The following BANP variants were observed in gnomAD, a reference collection of about 807,000 sequenced individuals.
BANP encodes the protein BTG3 associated nuclear protein.
A neutral mutation model predicts 68.1 loss-of-function variants in BANP; 11 were observed. The observed-to-expected ratio is 0.16, with a 90% CI of 0.10 to 0.27. The LOEUF (loss-of-function observed/expected upper bound fraction) is 0.27, where lower values mean the gene tolerates loss of function less well. Ranked by LOEUF, BANP falls within the 10% of genes least tolerant of loss-of-function variation. The pLI is 1.00. For missense variants in BANP, 504 were observed against 722.7 expected (o/e 0.70, Z 3.47); for synonymous variants, 329 against 303.2 (o/e 1.09, Z -0.88).
At chr16:87,973,335 T>C (rs1314185464) in intron 1 of BANP, among the ~76,000 whole-genome samples, 1 of 152,106 alleles carries the variant, frequency 6.6e-6, no homozygotes, top group Non-Finnish European at 1.5e-5. Flanking sequence ...AATGTGGGAA[T>C]AAAAACACCT....
chr16:88,037,851 C>G, intron 10 of BANP, 122 bp from the exon 11 acceptor site: 1 of 932,860 alleles, frequency 1.1e-6, no homozygotes. Context: ...TGAATTTTTG[C>G]AGAACTGGGG....
chr16:87,978,055 C>G (rs1211685722), intron 2 of BANP, among the ~76,000 whole-genome samples: 1 of 152,158 alleles, frequency 6.6e-6, no homozygotes, highest in African/African-American at 2.4e-5. Flanking sequence ...AGGCTGGTCT[C>G]GAACTCCTGA....
At chr16:88,035,253 G>A (rs1254632938) in intron 9 of BANP, 70 bp from the exon 10 acceptor site, 26 of 1,325,494 alleles carry the variant, frequency 2.0e-5, no homozygotes, top group South Asian at 2.5e-5. Context: ...CAAACATTCC[G>A]GAAGATGTTT....
intron 9 of BANP, chr16:88,035,110 G>A (rs905320491): frequency 1.9e-5 from 11 of 565,092 alleles, no homozygotes; most frequent in Non-Finnish European, 3.5e-5. Flanking sequence ...GGGGTAGGGG[G>A]TGCTTCTTGA....
intron 6 of BANP, among the ~76,000 whole-genome samples, chr16:88,007,354 G>A (rs546435374): frequency 1.3e-5 from 2 of 152,226 alleles, no homozygotes; most frequent in African/African-American, 4.8e-5. Context: ...CATTTCCCCC[G>A]AGATCTGGAA....
chr16:87,984,055 TC>T lies in BANP; in HGVS notation c.163-3del, dbSNP rs1271395090. 9 of 1,613,892 alleles carry T rather than the reference TC, an allele frequency of 5.6e-6. No homozygotes were observed. In the South Asian group the frequency reaches 9.9e-5, roughly 18 times the overall value. The stretch of plus-strand genomic sequence containing the variant: ...TTCCTAAAGCCGGTCTTTTTTCACT[TC>T]CAGTCATTCCTGTATTCCATCAACC... On this transcript the variant is annotated splice_polypyrimidine_tract_variant and splice_region_variant and intron_variant, in intron 3 of 13. Coordinates refer to ENST00000682872, the MANE Select transcript of BANP (RefSeq NM_001386991.1).
At chr16:88,026,185 C>T (rs60708203) in intron 7 of BANP, among the ~76,000 whole-genome samples, 1 of 152,208 alleles carries the variant, frequency 6.6e-6, no homozygotes, top group Non-Finnish European at 1.5e-5. Context: ...CAGTTCTCTG[C>T]GTGTGCACGG....
rs563180672 is a variant in BANP at position 88,057,049 on chromosome 16, T to C, written c.1312-8218T>C. Among the ~76,000 whole-genome samples the C allele has an allele frequency of 1.3e-5, 2 of 152,352 alleles. No homozygotes were observed. Among genetic ancestry groups the C allele is most frequent in the South Asian group, 4.1e-4 (2 of 4,832 alleles). ...TTTCTGAATAACTTTACAAATCCTT[T>C]TGGTGGGATCCAAATGTGAGAACTT... On this transcript the variant is annotated intron_variant, in intron 11 of 13. Coordinates refer to ENST00000682872, the MANE Select transcript of BANP (RefSeq NM_001386991.1). The surrounding 1 kb of genome is among the most constrained non-coding windows in gnomAD (Gnocchi z 4.6).
intron 11 of BANP, among the ~76,000 whole-genome samples, chr16:88,041,942 G>T (rs1024399004): frequency 6.6e-6 from 1 of 152,158 alleles, no homozygotes. Flanking sequence ...GGTGGGAGAC[G>T]CAGTAGGAGG....
At chr16:88,072,478 A>C (rs1398459072) in intron 13 of BANP, among the ~76,000 whole-genome samples, 1 of 152,190 alleles carries the variant, frequency 6.6e-6, no homozygotes, top group Non-Finnish European at 1.5e-5. Flanking sequence ...GGCAGAAGTG[A>C]AGCTCTGCCC....
intron 7 of BANP, among the ~76,000 whole-genome samples, chr16:88,025,683 G>A (rs1437536419): frequency 6.6e-6 from 1 of 152,012 alleles, no homozygotes; most frequent in Non-Finnish European, 1.5e-5. Flanking sequence ...AAAACCCGAG[G>A]GACTTTTGAT....
At chr16:88,050,844 C>T (rs964493299) in intron 11 of BANP, among the ~76,000 whole-genome samples, 6 of 150,372 alleles carry the variant, frequency 4.0e-5, no homozygotes, top group African/African-American at 1.5e-4. Flanking sequence ...CGCACCACCA[C>T]GACCTGCTAA....
At position 88,064,133 on chromosome 16, in the gene BANP, G is replaced by C. The variant is rs1252174671; in HGVS notation, c.1312-1134G>C. 2.0e-5 allele frequency among the ~76,000 whole-genome samples: 3 copies of C among 150,176 alleles called. No individual in the cohort carries two copies. Among genetic ancestry groups the C allele is most frequent in the East Asian group, 1.9e-4 (1 of 5,182 alleles). On this transcript the variant is annotated intron_variant, in intron 11 of 13. Coordinates refer to ENST00000682872, the MANE Select transcript of BANP (RefSeq NM_001386991.1). The surrounding 1 kb of genome is among the most constrained non-coding windows in gnomAD (Gnocchi z 4.5). ...ACCGGCGCTGGGGGACCAGGGTCAG[G>C]GGGCTCTCTTCAGAGACGGCAGAGC...
At chr16:87,999,438 G>A (rs1302952722) in intron 4 of BANP, among the ~76,000 whole-genome samples, 3 of 55,270 alleles carry the variant, frequency 5.4e-5, no homozygotes, top group South Asian at 7.1e-4. Context: ...ACGTCTCCAT[G>A]CACGCACGTG....
At chr16:88,035,747 C>T (rs1448324749) in intron 10 of BANP, among the ~76,000 whole-genome samples, 1 of 152,212 alleles carries the variant, frequency 6.6e-6, no homozygotes, top group East Asian at 1.9e-4. Context: ...ATGGGGTCTG[C>T]CCCTGCGTAG....
At chr16:88,032,774 C>T (rs188229433) in intron 8 of BANP, among the ~76,000 whole-genome samples, 98 of 152,264 alleles carry the variant, frequency 6.4e-4, no homozygotes, top group African/African-American at 2.1e-3. Context: ...GTTTAATTAC[C>T]CATGGACAAA....
chr16:87,999,079 C>T (rs1212018696), intron 4 of BANP, among the ~76,000 whole-genome samples: 2 of 141,776 alleles, frequency 1.4e-5, no homozygotes, highest in African/African-American at 5.3e-5. Flanking sequence ...CATGCACGCA[C>T]GTGCGCGGCT....
At chr16:88,055,905 A>G (rs2084885353) in intron 11 of BANP, among the ~76,000 whole-genome samples, 1 of 152,234 alleles carries the variant, frequency 6.6e-6, no homozygotes, top group South Asian at 2.1e-4. Context: ...TCTCTACCAG[A>G]AATGGTGGAA....
intron 11 of BANP, among the ~76,000 whole-genome samples, chr16:88,048,225 T>G (rs933548705): frequency 6.6e-6 from 1 of 152,240 alleles, no homozygotes; most frequent in Non-Finnish European, 1.5e-5. Context: ...CTGATTAATT[T>G]GATGTGATTG....
Sources: gnomAD v4.1 joint callset for allele counts (sites outside exome capture counted in the v4.1 genomes callset) on GRCh38, gnomAD v4.1.1 for gene constraint, Gnocchi (gnomAD v3.1) non-coding constraint, MANE v1.5 for transcripts, NCBI Gene and HGNC (gene_info 2026-07-23, HGNC 2026-07-21) for gene names.